TERB1: variants seen among roughly 807,000 people sequenced by gnomAD.
The protein encoded by TERB1 is telomere repeat binding bouquet formation protein 1, also known as telomere repeats-binding bouquet formation protein 1.
A neutral mutation model predicts 92.3 loss-of-function variants in TERB1; 63 were observed. That is an observed-to-expected ratio of 0.68 (90% CI 0.56 to 0.84). The LOEUF is 0.84. TERB1 is among the 40% of genes least tolerant of loss of function. The pLI is 0.00. For synonymous variants in TERB1, 252 were observed against 283.9 expected, an observed-to-expected ratio of 0.89 and a Z score of 1.13; for missense variants, 709 against 843.7, an observed-to-expected ratio of 0.84 and a Z score of 1.98.
intron 2 of TERB1, among the ~76,000 whole-genome samples, chr16:66,797,314 C>G (rs761656940): frequency 6.6e-6 from 1 of 150,978 alleles, no homozygotes; most frequent in Non-Finnish European, 1.5e-5. Context: ...CGACTCCCTG[C>G]AGCCTTGACC....
intron 16 of TERB1, among the ~76,000 whole-genome samples, chr16:66,763,550 C>T (rs1237927006): frequency 1.3e-5 from 2 of 152,090 alleles, no homozygotes; most frequent in Non-Finnish European, 2.9e-5. Context: ...TTAAGAGGTA[C>T]ATATTGTCCG....
At chr16:66,801,131 C>G (rs1959273115) in intron 1 of TERB1, 78 bp from the exon 2 acceptor site, 1 of 152,622 alleles carries the variant, frequency 6.6e-6, no homozygotes, top group Non-Finnish European at 1.5e-5. Flanking sequence ...CCTCCCCGCT[C>G]AGGTGCTGTG....
chr16:66,790,624 T>C lies in TERB1; in HGVS notation c.242A>G (p.Tyr81Cys). ...EHSMVKEAAL[Y>C]TLGAIAEKNV... ...TTTCTCTGCAATAGCTCCTAATGTA[T>C]ATAAGGCTGCTTCTTTTACCATGCT... The change falls in exon 5 of 19, where the codon TAT becomes TGT. Residue 81 changes from tyrosine to cysteine, a missense_variant. Tyr to Cys is a radical substitution (Grantham distance 194). Transcript: ENST00000433154. 2 of 1,549,360 alleles carry C rather than the reference T, an allele frequency of 1.3e-6. No homozygotes were observed. The highest frequency in any genetic ancestry group is 1.7e-4 in the Middle Eastern group (1 of 5,980).
chr16:66,768,007 C>A (rs950936347), intron 15 of TERB1, 97 bp downstream of exon 15: 5 of 971,450 alleles, frequency 5.1e-6, no homozygotes, highest in Non-Finnish European at 8.0e-6. Context: ...GGATTACAGG[C>A]GTGAGCCACC....
intron 9 of TERB1, among the ~76,000 whole-genome samples, chr16:66,781,736 A>G (rs2145184503): frequency 6.6e-6 from 1 of 152,030 alleles, no homozygotes; most frequent in East Asian, 1.9e-4. Context: ...TAGCCAGGAT[A>G]GTCTCAATCT....
At chr16:66,767,535 ATT>A in intron 15 of TERB1, 25 bp from the exon 16 acceptor site, 3 of 1,009,164 alleles carry the variant, frequency 3.0e-6, no homozygotes, top group Non-Finnish European at 4.4e-6. Flanking sequence ...AAAATGAAGG[ATT>A]TTTGGATTAA....
chr16:66,769,006 G>A (rs768443536), intron 14 of TERB1, among the ~76,000 whole-genome samples: 2 of 151,972 alleles, frequency 1.3e-5, no homozygotes, highest in Non-Finnish European at 2.9e-5. Context: ...TCGGGAGGCT[G>A]AGGTAGGAGA....
rs363195 is a variant in TERB1, at chr16:66,796,640, A to C, written c.31+128T>G. 159 of 631,078 alleles carry C rather than the reference A, an allele frequency of 2.5e-4. No individual in the cohort carries two copies. The African/African-American group carries it at 2.8e-3, about 11-fold the overall frequency. The allele number at this position is 631,078 out of a possible 1,614,324, so 39.1% of individuals were successfully genotyped here. A position where few individuals can be genotyped will look rare whatever the true frequency, so the allele number is the denominator to read the frequency against. ...AAGCCAGAAATTATGTGACAGGCAC[A>C]GAGTAGTGCTCAATAGTTATGTAAA... is the stretch of plus-strand genomic sequence containing the variant. On this transcript the variant is annotated intron_variant, in intron 3 of 18. Transcript: ENST00000433154.
intron 14 of TERB1, among the ~76,000 whole-genome samples, chr16:66,768,685 G>A (rs1597012777): frequency 6.6e-6 from 1 of 152,304 alleles, no homozygotes; most frequent in South Asian, 2.1e-4. Flanking sequence ...CAGATAGCAG[G>A]CATAGCAGTA....
At chr16:66,770,765 A>C (rs2018434188) in intron 13 of TERB1, among the ~76,000 whole-genome samples, 1 of 152,180 alleles carries the variant, frequency 6.6e-6, no homozygotes, top group Admixed American at 6.5e-5. Context: ...GATCTCAGGA[A>C]TAAAGAACCA....
chr16:66,783,394 A>G (rs946559055), intron 9 of TERB1, among the ~76,000 whole-genome samples: 2 of 152,250 alleles, frequency 1.3e-5, no homozygotes, highest in African/African-American at 2.4e-5. Context: ...ATGTTAAACC[A>G]GTCTTGCATT....
At chr16:66,796,260 C>A (rs1306970219) in intron 3 of TERB1, among the ~76,000 whole-genome samples, 1 of 152,180 alleles carries the variant, frequency 6.6e-6, no homozygotes, top group South Asian at 2.1e-4. Flanking sequence ...TCTTAAGCAA[C>A]CTCTTTCTCA....
intron 9 of TERB1, among the ~76,000 whole-genome samples, chr16:66,784,008 C>G (rs986495244): frequency 6.6e-6 from 1 of 152,218 alleles, no homozygotes; most frequent in Non-Finnish European, 1.5e-5. Flanking sequence ...TTCAAAGAAT[C>G]TGTCCAACTC....
In TERB1 at chr16:66,786,213, G is replaced by C. The variant is rs1298671688; in HGVS notation, c.461+12C>G. ...ATGAATAATTAACAAAAAGAAATTT[G>C]TATTTGTTTACCTGAATAACCGTGA... On this transcript the variant is annotated intron_variant, in intron 7 of 18. Transcript: ENST00000433154. 8 of 1,544,376 alleles carry C rather than the reference G, an allele frequency of 5.2e-6. No homozygotes were observed. In the East Asian group the frequency reaches 1.5e-4, roughly 28 times the overall value.
chr16:66,791,651 T>C (rs767851910), intron 3 of TERB1, among the ~76,000 whole-genome samples: 2 of 152,114 alleles, frequency 1.3e-5, no homozygotes, highest in Non-Finnish European at 2.9e-5. Flanking sequence ...ATTCCACAGA[T>C]ATTCGGAAGA....
intron 3 of TERB1, 53 bp downstream of exon 3, chr16:66,796,715 A>G: frequency 4.8e-6 from 6 of 1,242,420 alleles, no homozygotes; most frequent in Non-Finnish European, 6.9e-6. Context: ...AATCTACAGT[A>G]CATCCTACCA....
At chr16:66,762,164 CATTTT>C (rs1249272070) in intron 16 of TERB1, among the ~76,000 whole-genome samples, 2 of 152,204 alleles carry the variant, frequency 1.3e-5, no homozygotes, top group Non-Finnish European at 2.9e-5. Flanking sequence ...TTGTTTTTAA[CATTTT>C]ATTATGTAAA....
At chr16:66,765,142 A>C (rs1436584685) in intron 16 of TERB1, among the ~76,000 whole-genome samples, 1 of 152,174 alleles carries the variant, frequency 6.6e-6, no homozygotes, top group East Asian at 1.9e-4. Flanking sequence ...AGGACTAAGC[A>C]CTCCATAATG....
At chr16:66,768,874 C>A (rs1286614851) in intron 14 of TERB1, among the ~76,000 whole-genome samples, 2 of 151,930 alleles carry the variant, frequency 1.3e-5, no homozygotes, top group East Asian at 3.9e-4. Flanking sequence ...GAGGCTGAGG[C>A]GGGCAGATCA....
Sources: gnomAD v4.1 joint callset for allele counts (sites outside exome capture counted in the v4.1 genomes callset) on GRCh38, gnomAD v4.1.1 for gene constraint, MANE v1.5 for transcripts, NCBI Gene and HGNC (gene_info 2026-07-23, HGNC 2026-07-21) for gene names.